Variants in ZNF536 observed in about 807,000 individuals in gnomAD.
The protein encoded by ZNF536 is zinc finger protein 536.
A neutral mutation model predicts 84.5 loss-of-function variants in ZNF536; 13 were observed. That is an observed-to-expected ratio of 0.15 (90% CI 0.10 to 0.24). ZNF536 has a LOEUF of 0.24. Among genes scored for constraint, ZNF536 ranks in the 10% least tolerant of loss-of-function variants. The pLI is 1.00. For missense variants in ZNF536, 1,536 were observed against 1,747.5 expected, an observed-to-expected ratio of 0.88 and a Z score of 2.16; for synonymous variants, 811 against 742.5, an observed-to-expected ratio of 1.09 and a Z score of -1.50.
chr19:30,578,635 T>C (rs1011870704), intron 1 of ZNF536, among the ~76,000 whole-genome samples: 1 of 152,250 alleles, frequency 6.6e-6, no homozygotes, highest in African/African-American at 2.4e-5. Flanking sequence ...GTCTAGTTTT[T>C]TGCAGAATAC....
At chr19:30,584,676 C>A (rs2047036545) in intron 1 of ZNF536, among the ~76,000 whole-genome samples, 1 of 152,206 alleles carries the variant, frequency 6.6e-6, no homozygotes. Context: ...ACAGGTCTCC[C>A]TCCTCCCTGA....
chr19:30,641,566 T>C (rs1417644552), intron 1 of ZNF536, among the ~76,000 whole-genome samples: 1 of 152,260 alleles, frequency 6.6e-6, no homozygotes, highest in African/African-American at 2.4e-5. Context: ...CCAATGTTTT[T>C]ATTATTACAA....
intron 1 of ZNF536, among the ~76,000 whole-genome samples, chr19:30,421,681 C>T (rs551768678): frequency 4.1e-4 from 63 of 152,260 alleles, no homozygotes; most frequent in Non-Finnish European, 7.4e-4. Flanking sequence ...TCAGAAGATA[C>T]GGAGACCCCC....
chr19:30,373,133 C>T (rs2048674907), intron 1 of ZNF536, among the ~76,000 whole-genome samples: 1 of 152,198 alleles, frequency 6.6e-6, no homozygotes, highest in Non-Finnish European at 1.5e-5. Flanking sequence ...GATTTGGTGA[C>T]ATGCTTGAAT....
At chr19:30,565,024 G>A (rs1020625917) in intron 1 of ZNF536, among the ~76,000 whole-genome samples, 1 of 152,140 alleles carries the variant, frequency 6.6e-6, no homozygotes, top group African/African-American at 2.4e-5. Context: ...CCTTGTCCGG[G>A]AAGAACTCTG....
intron 1 of ZNF536, among the ~76,000 whole-genome samples, chr19:30,243,999 ATG>A (rs372104941): frequency 6.6e-6 from 1 of 152,344 alleles, no homozygotes; most frequent in Non-Finnish European, 1.5e-5. Context: ...ATATATGAAT[ATG>A]TGTGTGTATA....
intron 1 of ZNF536, among the ~76,000 whole-genome samples, chr19:30,281,199 C>T (rs1361592992): frequency 6.6e-6 from 1 of 152,168 alleles, no homozygotes; most frequent in Non-Finnish European, 1.5e-5. Flanking sequence ...GGAAGTACCT[C>T]TGGCTCTAGG....
chr19:30,257,823 C>G (rs1465946923), intron 1 of ZNF536, among the ~76,000 whole-genome samples: 2 of 152,224 alleles, frequency 1.3e-5, no homozygotes, highest in African/African-American at 4.8e-5. Flanking sequence ...GCTGCTCACT[C>G]TAAGAGTCTG....
intron 1 of ZNF536, among the ~76,000 whole-genome samples, chr19:30,701,218 C>CAT (rs2051941327): frequency 7.0e-6 from 1 of 142,292 alleles, no homozygotes; most frequent in South Asian, 2.2e-4. Context: ...CACACACACA[C>CAT]GCAAACACAC....
At chr19:30,229,172 G>A (rs1390556837) in intron 1 of ZNF536, among the ~76,000 whole-genome samples, 1 of 152,078 alleles carries the variant, frequency 6.6e-6, no homozygotes, top group African/African-American at 2.4e-5. Flanking sequence ...AGAAAGAAAA[G>A]CAACCAAAAC....
At position 30,286,159 on chromosome 19, in the gene ZNF536, G is replaced by T. The variant is rs141972711; in HGVS notation, c.-120+2018G>T. Among the ~76,000 whole-genome samples the T allele has an allele frequency of 8.3e-4, 127 of 152,200 alleles. 1 individual carries two copies. Among genetic ancestry groups the T allele is most frequent in the Admixed American group, 1.8e-3 (27 of 15,294 alleles). On this transcript the variant is annotated intron_variant, in intron 2 of 5. Coordinates refer to the ZNF536 transcript ENST00000585628. ...TCCACTTAAATCCCATTATAATCAC[G>T]CTCATGATTGATAACATTCCACCTT... is the stretch of plus-strand genomic sequence containing the variant.
chr19:30,584,995 G>A (rs1295249824), intron 1 of ZNF536, among the ~76,000 whole-genome samples: 1 of 152,022 alleles, frequency 6.6e-6, no homozygotes, highest in Non-Finnish European at 1.5e-5. Context: ...TACTTGGGAG[G>A]CTGAGGTGGG....
intron 1 of ZNF536, among the ~76,000 whole-genome samples, chr19:30,246,323 T>A (rs1047790777): frequency 3.9e-5 from 6 of 152,172 alleles, no homozygotes; most frequent in African/African-American, 1.2e-4. Flanking sequence ...CAAACGAGAA[T>A]TCTTGCAGAA....
intron 1 of ZNF536, among the ~76,000 whole-genome samples, chr19:30,424,037 C>CT (rs2051104502): frequency 6.6e-6 from 1 of 151,968 alleles, no homozygotes; most frequent in Non-Finnish European, 1.5e-5. Flanking sequence ...CTGGGCTGGC[C>CT]CTGCTTGCTG....
At chr19:30,467,406 G>A (rs779323953) in intron 2 of ZNF536, among the ~76,000 whole-genome samples, 1 of 152,136 alleles carries the variant, frequency 6.6e-6, no homozygotes, top group Non-Finnish European at 1.5e-5. Context: ...GCTTAGCATG[G>A]CCTCCTCAAG....
chr19:30,654,113 C>T (rs553752379), intron 1 of ZNF536, among the ~76,000 whole-genome samples: 12 of 152,262 alleles, frequency 7.9e-5, no homozygotes, highest in Non-Finnish European at 1.8e-4. Context: ...CTGTCGCCGA[C>T]GCTCCTTTGA....
At chr19:30,593,538 GCAGGCC>G (rs1162738055) in intron 1 of ZNF536, among the ~76,000 whole-genome samples, 1 of 152,124 alleles carries the variant, frequency 6.6e-6, no homozygotes, top group Admixed American at 6.5e-5. Context: ...AAAAAGGTAG[GCAGGCC>G]CAGCACACCC....
At chr19:30,446,982 C>T (rs1268624363) in intron 2 of ZNF536, among the ~76,000 whole-genome samples, 1 of 152,208 alleles carries the variant, frequency 6.6e-6, no homozygotes, top group African/African-American at 2.4e-5. Context: ...GAAAGCACCT[C>T]GCTAATACTG....
intron 2 of ZNF536, among the ~76,000 whole-genome samples, chr19:30,341,081 GA>G (rs144311228): frequency 6.6e-6 from 1 of 152,104 alleles, no homozygotes; most frequent in Non-Finnish European, 1.5e-5. Flanking sequence ...TTCGGCAGTG[GA>G]AAAAATCATA....
Sources: allele counts gnomAD v4.1 joint callset (sites outside exome capture counted in the v4.1 genomes callset), GRCh38; gene constraint gnomAD v4.1.1; transcripts MANE v1.5; gene names NCBI Gene and HGNC (gene_info 2026-07-23, HGNC 2026-07-21).